Variants in FKBP1B observed in about 807,000 individuals in gnomAD.
The protein encoded by FKBP1B is FKBP prolyl isomerase 1B.
Under a neutral mutation model 13.5 loss-of-function variants are expected in FKBP1B, and 4 were observed. That is an observed-to-expected ratio of 0.30 (90% CI 0.15 to 0.68). The LOEUF is 0.68. FKBP1B is among the 30% of genes least tolerant of loss of function. The pLI, the probability that FKBP1B is intolerant of heterozygous loss-of-function variation, is 0.76. For synonymous variants in FKBP1B, 54 were observed against 53.6 expected (o/e 1.01, Z -0.03); for missense variants, 93 against 136.2 (o/e 0.68, Z 1.58).
chr2:24,049,033 C>T (rs924942634), upstream of FKBP1B, among the ~76,000 whole-genome samples: 1 of 152,014 alleles, frequency 6.6e-6, no homozygotes, highest in African/African-American at 2.4e-5. Flanking sequence ...TGGTGTCCTC[C>T]CTCCCTCCCC....
At chr2:24,033,309 T>A in the FKBP1B span, 1 of 354,390 alleles carries the variant, frequency 2.8e-6, no homozygotes, top group Admixed American at 3.9e-5. Context: ...CCTCATGGTT[T>A]ATTAGGAAAA....
At chr2:24,035,887 G>A in the FKBP1B span, among the ~76,000 whole-genome samples, 4 of 151,396 alleles carry the variant, frequency 2.6e-5, no homozygotes, top group South Asian at 2.1e-4. Context: ...TGGCCAACAC[G>A]GTGAAACCCC....
chr2:24,035,924 C>T, the FKBP1B span, among the ~76,000 whole-genome samples: 1 of 151,784 alleles, frequency 6.6e-6, no homozygotes, highest in African/African-American at 2.4e-5. Flanking sequence ...CAAAAATTAG[C>T]CAGGTGTGGT....
the FKBP1B span, chr2:24,038,273 G>C: frequency 1.2e-6 from 2 of 1,614,032 alleles, no homozygotes; most frequent in South Asian, 1.1e-5. Flanking sequence ...GTATCAGTGA[G>C]TTTTTGTTTT....
upstream of FKBP1B, among the ~76,000 whole-genome samples, chr2:24,045,619 A>AGAG (rs1324886267): frequency 6.5e-4 from 57 of 87,788 alleles, no homozygotes; most frequent in African/African-American, 1.5e-3. Context: ...AAAAAAAAAA[A>AGAG]AGAGAGAGAG....
intron 1 of FKBP1B, 61 bp from the exon 2 acceptor site, chr2:24,053,841 T>G (rs1365366344): frequency 5.3e-6 from 8 of 1,500,872 alleles, no homozygotes; most frequent in Non-Finnish European, 6.5e-6. Context: ...GGATCATACT[T>G]AATGTCCCAG....
chr2:24,036,089 TA>T, the FKBP1B span, among the ~76,000 whole-genome samples: 5 of 147,544 alleles, frequency 3.4e-5, no homozygotes, highest in African/African-American at 1.2e-4. Context: ...AATAAATAAA[TA>T]AATAAATAAA....
chr2:24,059,986 G>T (rs1053299018), intron 2 of FKBP1B, among the ~76,000 whole-genome samples: 18 of 151,752 alleles, frequency 1.2e-4, no homozygotes, highest in Non-Finnish European at 2.4e-4. Context: ...GGGAAGGAAG[G>T]GGAGAACAGA....
chr2:24,035,328 C>T, the FKBP1B span, among the ~76,000 whole-genome samples: 56 of 129,754 alleles, frequency 4.3e-4, no homozygotes, highest in East Asian at 0.011. Flanking sequence ...TTTTGTGTAA[C>T]AAAAGGGGAA....
At chr2:24,037,769 A>G in the FKBP1B span, 1 of 1,614,250 alleles carries the variant, frequency 6.2e-7, no homozygotes, top group Non-Finnish European at 8.5e-7. Context: ...GTAAGTTCAG[A>G]AAGACACCGT....
chr2:24,057,599 C>T (rs1664190840), intron 2 of FKBP1B, among the ~76,000 whole-genome samples: 1 of 152,096 alleles, frequency 6.6e-6, no homozygotes, highest in South Asian at 2.1e-4. Context: ...TCTCGAACTC[C>T]CTACCTCAGG....
the FKBP1B span, chr2:24,039,370 T>C: frequency 1.9e-6 from 3 of 1,614,264 alleles, no homozygotes; most frequent in South Asian, 2.2e-5. Flanking sequence ...CTCTCCACTG[T>C]GAAGCCGCAA....
chr2:24,037,990 G>A, the FKBP1B span: 6,115 of 1,614,150 alleles, frequency 3.8e-3, 15 homozygotes, highest in Non-Finnish European at 4.7e-3. Context: ...ACTAGACAGA[G>A]GACTCTGGAT....
the FKBP1B span, among the ~76,000 whole-genome samples, chr2:24,039,858 C>G: frequency 6.6e-6 from 1 of 151,896 alleles, no homozygotes; most frequent in African/African-American, 2.4e-5. Context: ...AGTGCAATGG[C>G]ACAATCTCGG....
intron 1 of FKBP1B, among the ~76,000 whole-genome samples, chr2:24,053,606 C>T (rs1663979531): frequency 6.8e-6 from 1 of 146,858 alleles, no homozygotes; most frequent in African/African-American, 2.5e-5. Flanking sequence ...CTGTAAATGT[C>T]TGTGGAATGG....
chr2:24,059,894 C>CAAAA (rs10679224), intron 2 of FKBP1B, among the ~76,000 whole-genome samples: 20 of 49,764 alleles, frequency 4.0e-4, no homozygotes, highest in Non-Finnish European at 5.0e-4. Context: ...GACTCCGACT[C>CAAAA]AAAAAAAAAA....
At chr2:24,038,471 G>C in the FKBP1B span, 1 of 1,614,186 alleles carries the variant, frequency 6.2e-7, no homozygotes, top group Non-Finnish European at 8.5e-7. Context: ...ATCAGATCAG[G>C]AACCAGAATG....
chr2:24,034,551 G>A, the FKBP1B span, among the ~76,000 whole-genome samples: 1 of 150,570 alleles, frequency 6.6e-6, no homozygotes, highest in Non-Finnish European at 1.5e-5. Flanking sequence ...CTAAAAAACT[G>A]AGGAATTGAA....
chr2:24,042,743 T>C, the FKBP1B span, among the ~76,000 whole-genome samples: 1 of 148,882 alleles, frequency 6.7e-6, no homozygotes, highest in Non-Finnish European at 1.5e-5. Context: ...AAACAATTAC[T>C]GGGCCAGAGC....
Sources: allele counts gnomAD v4.1 joint callset (sites outside exome capture counted in the v4.1 genomes callset), GRCh38; gene constraint gnomAD v4.1.1; transcripts MANE v1.5; gene names NCBI Gene and HGNC (gene_info 2026-07-23, HGNC 2026-07-21).